Variants in NACC1 observed in about 807,000 individuals in gnomAD.
The protein encoded by NACC1 is nucleus accumbens associated 1.
Under a neutral mutation model 41.7 loss-of-function variants are expected in NACC1, and 6 were observed. That is an observed-to-expected ratio of 0.14 (90% confidence interval 0.08 to 0.28). The LOEUF is 0.28. Among genes scored for constraint, NACC1 ranks in the 10% least tolerant of loss-of-function variants. NACC1 has a pLI of 1.00. For synonymous variants in NACC1, 338 were observed against 330.6 expected (o/e 1.02, Z -0.24); for missense variants, 434 against 763.7 (o/e 0.57, Z 5.09).
chr19:13,132,406 C>CT (rs2019644446), intron 1 of NACC1: 2 of 105,940 alleles, frequency 1.9e-5, no homozygotes, highest in South Asian at 3.4e-4. Context: ...AAGACTCTGT[C>CT]TTAAAAAAAA....
At position 13,139,908 on chromosome 19, in the gene NACC1, C is replaced by T. The variant is rs1196803884; in HGVS notation, c.*1502C>T. 1 of 152,290 alleles carries T rather than the reference C, an allele frequency of 6.6e-6. No homozygotes were observed. The highest frequency in any genetic ancestry group is 1.9e-4 in the East Asian group (1 of 5,200). 9.4% of individuals were successfully genotyped at this position (152,290 alleles called of 1,614,324 possible). On this transcript the variant is annotated 3_prime_UTR_variant, in exon 6 of 6. Coordinates refer to ENST00000292431, the MANE Select transcript of NACC1 (RefSeq NM_052876.4). ...CACATCCTTGTTTGTGTTTCTGGCC[C>T]TCGTCCTCCCTGCCTCTCATCTGCC...
At chr19:13,128,979 G>A (rs911422514) in intron 1 of NACC1, among the ~76,000 whole-genome samples, 1 of 152,208 alleles carries the variant, frequency 6.6e-6, no homozygotes, top group East Asian at 1.9e-4. Context: ...AAGGAGAGAT[G>A]ATTCTCATAT....
At chr19:13,131,759 G>A (rs2019636823) in intron 1 of NACC1, 2 of 152,220 alleles carry the variant, frequency 1.3e-5, no homozygotes, top group South Asian at 4.1e-4. Context: ...GAAGTCACAG[G>A]CTGTGGTGCC....
In NACC1 at chr19:13,138,740, C is replaced by T; in HGVS notation, c.*334C>T. 1 of 348,224 alleles carries T rather than the reference C, an allele frequency of 2.9e-6. No homozygotes were observed. The highest frequency in any genetic ancestry group is 5.4e-6 in the Non-Finnish European group (1 of 183,726). 21.6% of individuals were successfully genotyped at this position (348,224 alleles called of 1,614,324 possible). A position where few individuals can be genotyped will look rare whatever the true frequency, so the allele number is the denominator to read the frequency against. ...GGCTGGCCTGGGGGTCTTGGGAAGG[C>T]CCCTCCCCAGGCCCTAGGCCACCTC... On this transcript the variant is annotated 3_prime_UTR_variant, in exon 6 of 6. Transcript: ENST00000292431. This position sits in a 1 kb window ranked among gnomAD's most constrained non-coding sequence, Gnocchi z 5.7.
chr19:13,125,979 C>A (rs1269050070), intron 1 of NACC1, among the ~76,000 whole-genome samples: 1 of 151,634 alleles, frequency 6.6e-6, no homozygotes, highest in Non-Finnish European at 1.5e-5. Flanking sequence ...TCAGGTGATC[C>A]GCCCACCTCG....
At chr19:13,132,051 G>T (rs998379192) in intron 1 of NACC1, among the ~76,000 whole-genome samples, 8 of 151,926 alleles carry the variant, frequency 5.3e-5, no homozygotes, top group Non-Finnish European at 1.2e-4. Flanking sequence ...AATAAAGATG[G>T]AGTTTCACCG....
chr19:13,137,289 C>G lies in NACC1; in HGVS notation c.1139C>G (p.Thr380Arg). The G allele has an allele frequency of 6.2e-7, 1 of 1,613,864 alleles. No individual in the cohort carries two copies. Among genetic ancestry groups the G allele is most frequent in the South Asian group, 1.1e-5 (1 of 91,084 alleles). ...ELVTGTNVYI[T>R]RAQLMNCHVS... ...TCACCAGGCACCAACGTGTACATCA[C>G]AAGGGCGCAGCTGATGAACTGCCAC... Residue 380 changes from threonine to arginine, a missense_variant, in exon 4 of 6, where the codon ACA (threonine) becomes AGA (arginine). Physicochemically the swap from Thr to Arg is moderately conservative, Grantham distance 71. Coordinates refer to ENST00000292431, the MANE Select transcript of NACC1 (RefSeq NM_052876.4). This position sits in a 1 kb window ranked among gnomAD's most constrained non-coding sequence, Gnocchi z 6.1.
At position 13,135,624 on chromosome 19, in the gene NACC1, A is replaced by G. The variant is rs1272126323; in HGVS notation, c.417A>G (p.Pro139=). Residue 139 remains proline (P), a synonymous_variant, in exon 2 of 6, where the codon CCA becomes CCG. Coordinates refer to ENST00000292431, the MANE Select transcript of NACC1 (RefSeq NM_052876.4). ...DSQGLHAEEA[P]SSEPQSPVAQ... is the part of the protein sequence containing the mutation. ...AGGGCCTGCATGCGGAGGAGGCCCC[A>G]TCGTCGGAGCCCCAGAGCCCCGTGG... The G allele has an allele frequency of 1.9e-6, 3 of 1,576,896 alleles. No homozygotes were observed. The highest frequency in any genetic ancestry group is 2.3e-5 in the East Asian group (1 of 43,168).
At chr19:13,121,696 A>G (rs1448584859) in intron 1 of NACC1, among the ~76,000 whole-genome samples, 1 of 152,130 alleles carries the variant, frequency 6.6e-6, no homozygotes, top group East Asian at 1.9e-4. Flanking sequence ...TTGGTGGGGC[A>G]TATTGCTTTT....
At chr19:13,125,021 C>A (rs912053276) in intron 1 of NACC1, among the ~76,000 whole-genome samples, 1 of 151,896 alleles carries the variant, frequency 6.6e-6, no homozygotes, top group Non-Finnish European at 1.5e-5. Flanking sequence ...ATTAGCCGGG[C>A]GTGGTGGCAC....
rs540396279 is a variant in NACC1, at chr19:13,123,163, T to G, written c.-9+4709T>G. Among the ~76,000 whole-genome samples, 3 of 152,274 alleles carry G rather than the reference T, an allele frequency of 2.0e-5. No homozygotes were observed. In the South Asian group the frequency reaches 6.2e-4, roughly 32 times the overall value. ...ATCCCCATCCCTCCACCCTCCTTTG[T>G]GTTAGCGGCACCAGGGTCACCTCAG... On this transcript the variant is annotated intron_variant, in intron 1 of 5. Coordinates refer to ENST00000292431, the MANE Select transcript of NACC1 (RefSeq NM_052876.4).
chr19:13,127,087 C>G (rs1568383282), intron 1 of NACC1, among the ~76,000 whole-genome samples: 1 of 151,540 alleles, frequency 6.6e-6, no homozygotes, highest in Admixed American at 6.6e-5. Context: ...AAAAAATGCA[C>G]AAATAAATAA....
intron 1 of NACC1, among the ~76,000 whole-genome samples, chr19:13,121,192 G>T (rs955785701): frequency 6.6e-6 from 1 of 152,204 alleles, no homozygotes; most frequent in South Asian, 2.1e-4. Context: ...TTAGCTAAGG[G>T]GTGGGTGGTG....
Position 13,135,987 on chromosome 19 carries a change from G to A in NACC1, c.780G>A (p.Glu260=), listed in dbSNP as rs375893511. Residue 260 remains glutamate, a synonymous_variant, in exon 2 of 6, where the codon GAG becomes GAA. Transcript: ENST00000292431. ...GGVVSGPSTS[E]RTSPGTSSAY... is the part of the protein sequence containing the mutation. ...TGGTGAGTGGGCCCAGCACGTCGGAGCGGACCAGCCCAGGCACCTCAAGCG... is the reference window on the plus strand; with the variant it reads ...TGGTGAGTGGGCCCAGCACGTCGGAACGGACCAGCCCAGGCACCTCAAGCG... 3 of 1,611,716 alleles carry A rather than the reference G, an allele frequency of 1.9e-6. No homozygotes were observed. Among genetic ancestry groups the A allele is most frequent in the Non-Finnish European group, 1.7e-6 (2 of 1,179,256 alleles).
intron 1 of NACC1, among the ~76,000 whole-genome samples, chr19:13,133,982 A>G (rs984074733): frequency 1.3e-5 from 2 of 152,128 alleles, no homozygotes; most frequent in African/African-American, 4.8e-5. Flanking sequence ...CATTGTGGTT[A>G]GGATTTGCAT....
In NACC1 at chr19:13,138,606, A is replaced by C; in HGVS notation, c.*200A>C. The C allele has an allele frequency of 1.3e-6, 1 of 740,916 alleles. No homozygotes were observed. Among genetic ancestry groups the C allele is most frequent in the Non-Finnish European group, 2.1e-6 (1 of 466,366 alleles). The allele number at this position is 740,916 out of a possible 1,614,324, so 45.9% of individuals were successfully genotyped here. ...AGAGGACCGCAGGGCAGGTGGCGTG[A>C]GGTCCGTGTTGCCTTCTTTAACACA... On this transcript the variant is annotated 3_prime_UTR_variant, in exon 6 of 6. Transcript: ENST00000292431. The surrounding 1 kb of genome is among the most constrained non-coding windows in gnomAD (Gnocchi z 5.7).
rs1438189959 is a variant in NACC1 at position 13,141,022 on chromosome 19, C to T, written c.*2616C>T. On this transcript the variant is annotated 3_prime_UTR_variant, in exon 6 of 6. Transcript: ENST00000292431. ...CCCCACCCTGGGCCGAGCCCCCACC[C>T]CTCCCTGGGCCCCCAAGTGAGATTG... 6.6e-6 allele frequency: 1 copy of T among 152,598 alleles called. No homozygotes were observed. The highest frequency in any genetic ancestry group is 1.5e-5 in the Non-Finnish European group (1 of 68,026). 9.5% of individuals were successfully genotyped at this position (152,598 alleles called of 1,614,324 possible).
At chr19:13,120,851 A>G (rs1209972611) in intron 1 of NACC1, among the ~76,000 whole-genome samples, 2 of 152,230 alleles carry the variant, frequency 1.3e-5, no homozygotes, top group Non-Finnish European at 2.9e-5. Context: ...AGAAGGCACC[A>G]GTAATAACTG....
chr19:13,118,701 A>AGG (rs1386691237), intron 1 of NACC1, among the ~76,000 whole-genome samples: 26 of 125,400 alleles, frequency 2.1e-4, no homozygotes, highest in Middle Eastern at 9.1e-3. Flanking sequence ...CCAGCGAGGG[A>AGG]GGGGGCCAGG....
Sources: allele counts gnomAD v4.1 joint callset (sites outside exome capture counted in the v4.1 genomes callset), GRCh38; gene constraint gnomAD v4.1.1; non-coding constraint Gnocchi (gnomAD v3.1); transcripts MANE v1.5; gene names NCBI Gene and HGNC (gene_info 2026-07-23, HGNC 2026-07-21).